CNTNAP5: variants seen among roughly 807,000 people sequenced by gnomAD.
CNTNAP5 encodes contactin associated protein family member 5.
Under a neutral mutation model 150.2 loss-of-function variants are expected in CNTNAP5, and 72 were observed. The ratio of observed to expected loss-of-function variants is 0.48; its 90% CI spans 0.40 to 0.58. CNTNAP5 has a LOEUF of 0.58. Ranked by LOEUF, CNTNAP5 falls within the 20% of genes least tolerant of loss-of-function variation. The pLI is 0.00. For missense variants in CNTNAP5, 1,636 were observed against 1,626.2 expected, an observed-to-expected ratio of 1.01 and a Z score of -0.10; for synonymous variants, 672 against 619.8, an observed-to-expected ratio of 1.08 and a Z score of -1.25.
chr2:124,245,000 TTC>T (rs1432988567), intron 3 of CNTNAP5, among the ~76,000 whole-genome samples: 1 of 152,196 alleles, frequency 6.6e-6, no homozygotes, highest in Non-Finnish European at 1.5e-5. Context: ...AAACTGTAGT[TTC>T]TGTTTCTCTT....
intron 2 of CNTNAP5, among the ~76,000 whole-genome samples, chr2:124,227,668 G>A (rs1266668503): frequency 1.3e-5 from 2 of 151,504 alleles, no homozygotes; most frequent in African/African-American, 2.4e-5. Context: ...GTGTGTGTGT[G>A]TGTGTGTGTG....
Position 124,229,432 on chromosome 2 carries a change from A to G in CNTNAP5, c.187+7623A>G, listed in dbSNP as rs1686558448. On this transcript the variant is annotated intron_variant, in intron 2 of 23. Transcript: ENST00000682447. ...TCTCATCGATAGAAGGGATTTGCCA[A>G]ATAGAATTTTTGTTCTCTCACTTCC... 2.6e-5 allele frequency among the ~76,000 whole-genome samples: 4 copies of G among 152,194 alleles called. No individual in the cohort carries two copies. In the South Asian group the frequency reaches 8.3e-4, roughly 31 times the overall value.
At chr2:124,699,512 T>C (rs1679475090) in intron 13 of CNTNAP5, among the ~76,000 whole-genome samples, 1 of 152,054 alleles carries the variant, frequency 6.6e-6, no homozygotes, top group Admixed American at 6.6e-5. Flanking sequence ...CTCAGCAGAG[T>C]CAAGTGAACA....
chr2:124,685,258 G>A (rs560982919), intron 13 of CNTNAP5, among the ~76,000 whole-genome samples: 2 of 152,208 alleles, frequency 1.3e-5, no homozygotes, highest in South Asian at 4.1e-4. Flanking sequence ...AATTAAAGAA[G>A]ACACATTATT....
At chr2:124,036,350 C>T (rs1165208767) in intron 1 of CNTNAP5, among the ~76,000 whole-genome samples, 1 of 151,900 alleles carries the variant, frequency 6.6e-6, no homozygotes, top group Admixed American at 6.5e-5. Context: ...AGAAACTGTT[C>T]ACTAAGTTTT....
At chr2:124,694,183 A>T (rs903655606) in intron 13 of CNTNAP5, among the ~76,000 whole-genome samples, 4 of 152,170 alleles carry the variant, frequency 2.6e-5, no homozygotes, top group Non-Finnish European at 4.4e-5. Context: ...GAATGCTTTC[A>T]GGCCTAGGTA....
chr2:124,833,310 A>G (rs1351878101), intron 19 of CNTNAP5, among the ~76,000 whole-genome samples: 1 of 152,124 alleles, frequency 6.6e-6, no homozygotes. Flanking sequence ...CATTGGCAAC[A>G]AAGTATGAGA....
intron 3 of CNTNAP5, among the ~76,000 whole-genome samples, chr2:124,272,448 C>T (rs973975797): frequency 1.3e-5 from 2 of 152,130 alleles, no homozygotes; most frequent in African/African-American, 2.4e-5. Flanking sequence ...GAAAGGGAAT[C>T]TGAAGCCTGA....
chr2:124,060,667 G>A (rs543662051), intron 1 of CNTNAP5, among the ~76,000 whole-genome samples: 27 of 152,256 alleles, frequency 1.8e-4, no homozygotes, highest in South Asian at 6.2e-4. Flanking sequence ...ACTTCTAAGC[G>A]TCTTTGCATT....
In CNTNAP5 at chr2:124,815,728, T is replaced by C. The variant is rs138927131; in HGVS notation, c.3217+17408T>C. Among the ~76,000 whole-genome samples the C allele has an allele frequency of 2.4e-3, 372 of 152,248 alleles. 7 individuals are homozygous for C. The South Asian group carries it at 0.03, about 12-fold the overall frequency. ...AGTTTTCTTTTCTTTCTTTTTTTTT[T>C]CTTTTCCTCCTCTAAGATCATTCTT... On this transcript the variant is annotated intron_variant, in intron 19 of 23. Transcript: ENST00000682447.
At chr2:124,148,438 C>T (rs1046413335) in intron 1 of CNTNAP5, among the ~76,000 whole-genome samples, 2 of 143,396 alleles carry the variant, frequency 1.4e-5, no homozygotes, top group Non-Finnish European at 3.0e-5. Context: ...TGTTTCCTGC[C>T]GTATCGTCAT....
At chr2:124,145,630 T>A (rs1684220351) in intron 1 of CNTNAP5, among the ~76,000 whole-genome samples, 1 of 57,680 alleles carries the variant, frequency 1.7e-5, no homozygotes, top group Non-Finnish European at 3.2e-5. Flanking sequence ...AATATCACAC[T>A]CTGGGGACTG....
intron 13 of CNTNAP5, among the ~76,000 whole-genome samples, chr2:124,708,417 G>A (rs1679738818): frequency 6.6e-6 from 1 of 152,174 alleles, no homozygotes; most frequent in Non-Finnish European, 1.5e-5. Flanking sequence ...GAATCCAGAA[G>A]GAAATGTCAT....
chr2:124,911,610 C>A, intron 23 of CNTNAP5, 72 bp downstream of exon 23: 1 of 1,266,450 alleles, frequency 7.9e-7, no homozygotes, highest in Non-Finnish European at 1.1e-6. Context: ...TTATCTGAAG[C>A]TTTCCTTAAT....
At chr2:124,316,095 T>A (rs1688952222) in intron 3 of CNTNAP5, among the ~76,000 whole-genome samples, 1 of 152,152 alleles carries the variant, frequency 6.6e-6, no homozygotes, top group South Asian at 2.1e-4. Context: ...GACCCCACCT[T>A]CAACTCTCAA....
chr2:124,415,781 C>T (rs146946410), intron 3 of CNTNAP5, among the ~76,000 whole-genome samples: 17 of 152,136 alleles, frequency 1.1e-4, no homozygotes, highest in African/African-American at 3.6e-4. Flanking sequence ...TATACGACAA[C>T]GTGAATATGC....
At chr2:124,810,694 C>T (rs922900220) in intron 19 of CNTNAP5, among the ~76,000 whole-genome samples, 3 of 152,068 alleles carry the variant, frequency 2.0e-5, no homozygotes, top group African/African-American at 7.2e-5. Context: ...CACCACAGAA[C>T]AGGCCAGGTA....
intron 11 of CNTNAP5, among the ~76,000 whole-genome samples, chr2:124,582,980 A>G (rs1312037394): frequency 6.6e-6 from 1 of 152,234 alleles, no homozygotes; most frequent in East Asian, 1.9e-4. Flanking sequence ...AATTATATTC[A>G]TAATTTAAAA....
intron 10 of CNTNAP5, among the ~76,000 whole-genome samples, chr2:124,551,778 TC>T (rs1387518597): frequency 6.6e-6 from 1 of 152,316 alleles, no homozygotes; most frequent in Non-Finnish European, 1.5e-5. Flanking sequence ...TCATTTGGTG[TC>T]CTATTCATTT....
Sources: allele counts gnomAD v4.1 joint callset (sites outside exome capture counted in the v4.1 genomes callset), GRCh38; gene constraint gnomAD v4.1.1; transcripts MANE v1.5; gene names NCBI Gene and HGNC (gene_info 2026-07-23, HGNC 2026-07-21).